The following NF1 variants were observed in gnomAD, a reference collection of about 807,000 sequenced individuals.
NF1 encodes the protein neurofibromin.
A neutral mutation model predicts 325.7 loss-of-function variants in NF1; 122 were observed. The observed-to-expected ratio is 0.37, with a 90% CI of 0.32 to 0.44. The LOEUF (loss-of-function observed/expected upper bound fraction) is 0.44, where lower values mean the gene tolerates loss of function less well. Ranked by LOEUF, NF1 falls within the 20% of genes least tolerant of loss-of-function variation. The pLI, the probability that NF1 is intolerant of heterozygous loss-of-function variation, is 1.00. For synonymous variants in NF1, 1,091 were observed against 1,186.0 expected, an observed-to-expected ratio of 0.92 and a Z score of 1.65; for missense variants, 2,140 against 3,415.4, an observed-to-expected ratio of 0.63 and a Z score of 9.31.
At chr17:31,312,307 G>A (rs4638642) in intron 36 of NF1, among the ~76,000 whole-genome samples, 1 of 151,602 alleles carries the variant, frequency 6.6e-6, no homozygotes, top group African/African-American at 2.4e-5. Flanking sequence ...GTCAGGAGTT[G>A]AAGACCAGCC....
At chr17:31,153,720 C>T (rs1212934290) in intron 1 of NF1, among the ~76,000 whole-genome samples, 1 of 151,940 alleles carries the variant, frequency 6.6e-6, no homozygotes, top group African/African-American at 2.4e-5. Context: ...AAGCAGTCCT[C>T]CTGCCTCAGC....
chr17:31,371,033 A>G (rs1213668383), intron 57 of NF1, among the ~76,000 whole-genome samples: 2 of 152,164 alleles, frequency 1.3e-5, no homozygotes, highest in Admixed American at 6.5e-5. Context: ...AAAAAGTTCT[A>G]TCTTTTCAAC....
At chr17:31,327,009 G>A (rs8082117) in intron 37 of NF1, among the ~76,000 whole-genome samples, 2 of 81,856 alleles carry the variant, frequency 2.4e-5, no homozygotes, top group South Asian at 4.4e-4. Flanking sequence ...GTGCAGTGGC[G>A]TGATCTCAGA....
At chr17:31,198,384 G>T (rs1188563879) in intron 8 of NF1, among the ~76,000 whole-genome samples, 6 of 152,052 alleles carry the variant, frequency 3.9e-5, no homozygotes, top group Admixed American at 6.5e-5. Flanking sequence ...AAGCTATCTG[G>T]TCCTAGCCTT....
At position 31,184,666 on chromosome 17, in the gene NF1, A is replaced by AAAAAT. The variant is rs1567828042; in HGVS notation, c.888+2005_888+2006insTAAAA. On this transcript the variant is annotated intron_variant, in intron 8 of 57. Transcript: ENST00000358273. Reference sequence around the variant, plus strand: ...CCGTCTCAAAAAAAAAAAATAAAAAAAAAAAATAAAAAAATAAAATAGAAA... The same window carrying AAAAAT: ...CCGTCTCAAAAAAAAAAAATAAAAAAAAAATAAAAAATAAAAAAATAAAATAGAAA... Among the ~76,000 whole-genome samples, 4 of 140,564 alleles carry AAAAAT rather than the reference A, an allele frequency of 2.8e-5. 1 individual carries two copies. The highest frequency in any genetic ancestry group is 3.2e-5 in the Non-Finnish European group (2 of 63,312). 92.2% of individuals were successfully genotyped at this position (140,564 alleles called of 152,430 possible). A position where few individuals can be genotyped will look rare whatever the true frequency, so the allele number is the denominator to read the frequency against.
intron 36 of NF1, among the ~76,000 whole-genome samples, chr17:31,313,384 T>G (rs2068932480): frequency 6.6e-6 from 1 of 152,172 alleles, no homozygotes; most frequent in South Asian, 2.1e-4. Flanking sequence ...CTATAGTTTC[T>G]TTTTAATTCT....
intron 3 of NF1, among the ~76,000 whole-genome samples, chr17:31,162,589 T>C (rs779874466): frequency 6.6e-6 from 1 of 152,258 alleles, no homozygotes; most frequent in Non-Finnish European, 1.5e-5. Context: ...AGGGAATTGT[T>C]TATTTTTCCT....
intron 57 of NF1, chr17:31,361,008 A>G (rs953398005): frequency 1.6e-5 from 6 of 375,048 alleles, no homozygotes; most frequent in South Asian, 1.1e-4. Flanking sequence ...GAACAGAACT[A>G]TAATTTATTT....
intron 8 of NF1, among the ~76,000 whole-genome samples, chr17:31,198,367 C>G (rs1419216864): frequency 1.3e-5 from 2 of 152,160 alleles, no homozygotes; most frequent in Non-Finnish European, 2.9e-5. Context: ...GTGGAATCAA[C>G]CAGTGAAAGC....
At chr17:31,361,171 C>T (rs17882683) in intron 57 of NF1, 2,849 of 157,726 alleles carry the variant, frequency 0.018, 102 homozygotes, top group African/African-American at 0.067. Flanking sequence ...AGCAATAACT[C>T]AACCATCCAT....
In NF1 at chr17:31,279,318, G is replaced by A. The variant is rs115022296; in HGVS notation, c.4835+13979G>A. 6.7e-3 allele frequency among the ~76,000 whole-genome samples: 1,024 copies of A among 152,262 alleles called. 17 individuals are homozygous for A. The highest frequency in any genetic ancestry group is 0.023 in the African/African-American group (959 of 41,536). On this transcript the variant is annotated intron_variant, in intron 36 of 57. Coordinates refer to ENST00000358273, the MANE Select transcript of NF1 (RefSeq NM_001042492.3). ...TTTCTGAAAGCAGTTCAGGCCTACA[G>A]CCATACCACCCTGAATGCACCTGAT...
At chr17:31,306,804 A>G (rs956164872) in intron 36 of NF1, among the ~76,000 whole-genome samples, 4 of 151,926 alleles carry the variant, frequency 2.6e-5, no homozygotes, top group African/African-American at 9.7e-5. Context: ...GATTAAAAAA[A>G]AAAAAAAAAG....
chr17:31,101,098 C>T lies in NF1; in HGVS notation c.60+5729C>T, dbSNP rs751051637. 3.9e-5 allele frequency among the ~76,000 whole-genome samples: 6 copies of T among 152,182 alleles called. 1 individual carries two copies. The highest frequency in any genetic ancestry group is 2.6e-4 in the Admixed American group (4 of 15,282). On this transcript the variant is annotated intron_variant, in intron 1 of 57. Coordinates refer to ENST00000358273, the MANE Select transcript of NF1 (RefSeq NM_001042492.3). Reference sequence around the variant, plus strand: ...GTTGTTGTTGTTGCCAGATACTCACCGCCTCTACTGTTTATCCACCCATTT... The same window carrying T: ...GTTGTTGTTGTTGCCAGATACTCACTGCCTCTACTGTTTATCCACCCATTT...
chr17:31,235,616 A>G lies in NF1; in HGVS notation c.3714A>G (p.Glu1238=), dbSNP rs1597722384. 6.2e-7 allele frequency: 1 copy of G among 1,614,028 alleles called. No individual in the cohort carries two copies. Among genetic ancestry groups the G allele is most frequent in the Non-Finnish European group, 8.5e-7 (1 of 1,179,992 alleles). The stretch of plus-strand genomic sequence containing the variant: ...TGATTTTGTTTTGTTCTCAGGATGA[A>G]CTAGCTCGAGTTCTGGTTACTCTGT... The part of the protein sequence containing the change: ...ANVVPCSQWD[E]LARVLVTLFD... Residue 1238 remains glutamate (E), a synonymous_variant, in exon 28 of 58, where the codon GAA becomes GAG. Coordinates refer to ENST00000358273, the MANE Select transcript of NF1 (RefSeq NM_001042492.3).
At chr17:31,233,576 C>G (rs963936703) in intron 27 of NF1, among the ~76,000 whole-genome samples, 2 of 152,128 alleles carry the variant, frequency 1.3e-5, no homozygotes, top group African/African-American at 4.8e-5. Flanking sequence ...GTTTGCTATT[C>G]TTTTCCCCAT....
At chr17:31,194,011 A>ACAT in intron 8 of NF1, among the ~76,000 whole-genome samples, 1 of 152,324 alleles carries the variant, frequency 6.6e-6, no homozygotes, top group South Asian at 2.1e-4. Context: ...TAGAACTACC[A>ACAT]TGTGATCCAA....
intron 1 of NF1, among the ~76,000 whole-genome samples, chr17:31,113,972 C>T (rs891323658): frequency 2.0e-5 from 3 of 152,220 alleles, no homozygotes; most frequent in African/African-American, 4.8e-5. Flanking sequence ...CTATCTATTT[C>T]TAGGCTGTGT....
intron 31 of NF1, among the ~76,000 whole-genome samples, chr17:31,258,093 C>T (rs1462831208): frequency 6.6e-6 from 1 of 152,080 alleles, no homozygotes; most frequent in Non-Finnish European, 1.5e-5. Context: ...CAGGTTTCTT[C>T]TACCCATCTC....
intron 57 of NF1, among the ~76,000 whole-genome samples, chr17:31,364,381 T>C (rs1036700973): frequency 1.3e-5 from 2 of 152,230 alleles, no homozygotes; most frequent in African/African-American, 4.8e-5. Context: ...CTATAAATGT[T>C]TCATGTCAAT....
Sources: allele counts gnomAD v4.1 joint callset (sites outside exome capture counted in the v4.1 genomes callset), GRCh38; gene constraint gnomAD v4.1.1; transcripts MANE v1.5; gene names NCBI Gene and HGNC (gene_info 2026-07-23, HGNC 2026-07-21).